COL15A1: variants seen among roughly 807,000 people sequenced by gnomAD.
COL15A1 encodes collagen type XV alpha 1 chain, also known as collagen alpha-1(XV) chain.
COL15A1 carries 111 observed loss-of-function variants against 165.9 expected under a neutral mutation model. The ratio of observed to expected loss-of-function variants is 0.67; its 90% CI spans 0.57 to 0.78. COL15A1 has a LOEUF of 0.78. Ranked by LOEUF, COL15A1 falls within the 30% of genes least tolerant of loss-of-function variation. The pLI is 0.00. For missense variants in COL15A1, 1,745 were observed against 1,789.7 expected (o/e 0.98, Z 0.45); for synonymous variants, 659 against 674.8 (o/e 0.98, Z 0.36).
intron 6 of COL15A1, 68 bp downstream of exon 6, chr9:98,997,149 C>T (rs971923018): frequency 6.4e-6 from 10 of 1,570,740 alleles, no homozygotes; most frequent in African/African-American, 5.4e-5. Context: ...CCAGCCGGGG[C>T]CATGTATGTA....
chr9:99,023,559 G>T, intron 14 of COL15A1, 110 bp downstream of exon 14: 1 of 620,372 alleles, frequency 1.6e-6, no homozygotes, highest in South Asian at 2.0e-5. Context: ...CTGCTGCTGG[G>T]GTTGCCGGCA....
intron 16 of COL15A1, among the ~76,000 whole-genome samples, chr9:99,034,300 C>G (rs1839258288): frequency 6.6e-6 from 1 of 152,198 alleles, no homozygotes; most frequent in Non-Finnish European, 1.5e-5. Flanking sequence ...TCTTTAACTT[C>G]TCTGGTTTAC....
chr9:98,999,261 C>T (rs1365296198), intron 6 of COL15A1, among the ~76,000 whole-genome samples: 1 of 152,206 alleles, frequency 6.6e-6, no homozygotes, highest in African/African-American at 2.4e-5. Flanking sequence ...GGGCCCTTCC[C>T]AGTCTCAGTC....
chr9:99,036,139 GAAGAAT>G lies in COL15A1; in HGVS notation c.2290-29_2290-24del, dbSNP rs780653605. ...TAGATGGAGGTGAGCAAAGTGACTAGAAGAATATTTATTTTTGTTTATTTTTCCAGG... is the reference window on the plus strand; with the variant it reads ...TAGATGGAGGTGAGCAAAGTGACTAGATTTATTTTTGTTTATTTTTCCAGG... On this transcript the variant is annotated intron_variant, in intron 19 of 41. Transcript: ENST00000375001. The G allele has an allele frequency of 2.3e-5, 37 of 1,580,892 alleles. No individual in the cohort carries two copies. In the African/African-American group the frequency reaches 4.4e-4, roughly 19 times the overall value.
At chr9:98,997,464 C>T (rs1253139341) in intron 6 of COL15A1, among the ~76,000 whole-genome samples, 2 of 152,220 alleles carry the variant, frequency 1.3e-5, no homozygotes, top group Non-Finnish European at 2.9e-5. Flanking sequence ...TTGTCTCCAA[C>T]ACCGACAGCA....
At chr9:99,063,015 T>C (rs756789973) in intron 38 of COL15A1, 35 bp from the exon 39 acceptor site, 3 of 1,586,188 alleles carry the variant, frequency 1.9e-6, no homozygotes, top group South Asian at 1.2e-5. Context: ...TGAATGCATA[T>C]TCAGAACTGT....
chr9:98,987,553 G>A (rs1157974319), intron 4 of COL15A1, among the ~76,000 whole-genome samples, 185 bp downstream of exon 4: 1 of 152,230 alleles, frequency 6.6e-6, no homozygotes, highest in Admixed American at 6.5e-5. Flanking sequence ...CATCTCTGGT[G>A]TGGGGAGCTG....
At chr9:98,945,228 G>GT (rs1012663644) in intron 2 of COL15A1, among the ~76,000 whole-genome samples, 8 of 152,250 alleles carry the variant, frequency 5.3e-5, no homozygotes, top group East Asian at 1.9e-4. Flanking sequence ...GTCATGTGTG[G>GT]TTTTTTACAA....
Position 99,062,072 on chromosome 9 carries a change from T to A in COL15A1, c.3504T>A (p.Arg1168=). 1 of 1,614,134 alleles carries A rather than the reference T, an allele frequency of 6.2e-7. No homozygotes were observed. The stretch of plus-strand genomic sequence containing the variant: ...GGGACAGCACTGAGTTTTTCATTCG[T>A]GTTAGAGATGGCTGGAAAAAATTAC... ...YLRDSTEFFI[R]VRDGWKKLQL... is the part of the protein sequence containing the mutation. The change falls in exon 37 of 42, where the codon CGT becomes CGA. Residue 1168 remains arginine (R), a synonymous_variant. Transcript: ENST00000375001.
intron 9 of COL15A1, among the ~76,000 whole-genome samples, chr9:99,012,236 A>G (rs1838857580): frequency 6.6e-6 from 1 of 152,246 alleles, no homozygotes; most frequent in Admixed American, 6.5e-5. Context: ...CATTTAATTT[A>G]TGAGTACTCT....
intron 9 of COL15A1, among the ~76,000 whole-genome samples, chr9:99,010,345 G>A (rs960725979): frequency 3.9e-5 from 6 of 152,172 alleles, no homozygotes; most frequent in African/African-American, 1.4e-4. Context: ...ACAAATGGGG[G>A]CAAATGTGGG....
At chr9:99,014,879 G>T (rs1016797991) in intron 9 of COL15A1, among the ~76,000 whole-genome samples, 2 of 152,180 alleles carry the variant, frequency 1.3e-5, no homozygotes, top group Non-Finnish European at 2.9e-5. Context: ...AAAGACAAAT[G>T]ATTGCATTCT....
At chr9:98,946,500 C>T (rs1337581327) in intron 2 of COL15A1, among the ~76,000 whole-genome samples, 1 of 152,190 alleles carries the variant, frequency 6.6e-6, no homozygotes, top group Non-Finnish European at 1.5e-5. Context: ...TCACCACGTC[C>T]CTGGAATCAC....
At chr9:99,002,000 T>A (rs906841515) in intron 7 of COL15A1, among the ~76,000 whole-genome samples, 1 of 152,052 alleles carries the variant, frequency 6.6e-6, no homozygotes, top group African/African-American at 2.4e-5. Context: ...TTCAGCCAGC[T>A]CCCTTTGGAG....
At chr9:99,009,326 T>C (rs1838811787) in intron 9 of COL15A1, among the ~76,000 whole-genome samples, 1 of 152,264 alleles carries the variant, frequency 6.6e-6, no homozygotes, top group Non-Finnish European at 1.5e-5. Flanking sequence ...TGATAAAATA[T>C]GCTAAAACAT....
At chr9:98,948,956 A>G (rs1365939524) in intron 2 of COL15A1, among the ~76,000 whole-genome samples, 1 of 152,246 alleles carries the variant, frequency 6.6e-6, no homozygotes, top group Admixed American at 6.5e-5. Context: ...AAGATATAGG[A>G]TAATCCCCAG....
At chr9:98,986,876 G>C (rs1323922830) in intron 3 of COL15A1, among the ~76,000 whole-genome samples, 1 of 152,124 alleles carries the variant, frequency 6.6e-6, no homozygotes, top group Non-Finnish European at 1.5e-5. Flanking sequence ...GAGAGGGGAG[G>C]AGAGTGGAGG....
chr9:98,980,507 G>A (rs76181340), intron 2 of COL15A1, among the ~76,000 whole-genome samples: 2,250 of 152,290 alleles, frequency 0.015, 131 homozygotes, highest in East Asian at 0.097. Context: ...GGAGTCCCTG[G>A]GACAGCATGG....
chr9:98,959,753 C>CT (rs1564010739), intron 2 of COL15A1, among the ~76,000 whole-genome samples: 2 of 152,226 alleles, frequency 1.3e-5, no homozygotes, highest in African/African-American at 2.4e-5. Flanking sequence ...TCTCTCTGTC[C>CT]TCTAGCATGG....
Sources: gnomAD v4.1 joint callset for allele counts (sites outside exome capture counted in the v4.1 genomes callset) on GRCh38, gnomAD v4.1.1 for gene constraint, MANE v1.5 for transcripts, NCBI Gene and HGNC (gene_info 2026-07-23, HGNC 2026-07-21) for gene names.